Variants in EPB41 observed in about 807,000 individuals in gnomAD.
The protein encoded by EPB41 is protein 4.1.
A neutral mutation model predicts 108.0 loss-of-function variants in EPB41; 65 were observed. That is an observed-to-expected ratio of 0.60 (90% CI 0.49 to 0.74). The LOEUF is 0.74. Ranked by LOEUF, EPB41 falls within the 30% of genes least tolerant of loss-of-function variation. The probability of loss-of-function intolerance (pLI) is 0.00; values close to 1 mark genes in which losing one functional copy is unlikely to be tolerated. For synonymous variants in EPB41, 336 were observed against 358.9 expected (o/e 0.94, Z 0.72); for missense variants, 875 against 1,037.0 (o/e 0.84, Z 2.15).
At chr1:28,960,551 ACCT>A (rs2095161788) in intron 1 of EPB41, among the ~76,000 whole-genome samples, 1 of 125,586 alleles carries the variant, frequency 8.0e-6, no homozygotes, top group Non-Finnish European at 1.6e-5. Flanking sequence ...ATGTAGTGAG[ACCT>A]CGTCTCTACA....
At chr1:28,971,336 A>G (rs964487500) in intron 1 of EPB41, among the ~76,000 whole-genome samples, 1 of 151,420 alleles carries the variant, frequency 6.6e-6, no homozygotes, top group Non-Finnish European at 1.5e-5. Flanking sequence ...AGCGCCTGCC[A>G]CCATGCCTGG....
chr1:28,953,331 T>C (rs1044433233), intron 1 of EPB41, among the ~76,000 whole-genome samples: 1 of 152,002 alleles, frequency 6.6e-6, no homozygotes, highest in Non-Finnish European at 1.5e-5. Context: ...TTCCTGTAAA[T>C]TATTTGAATT....
chr1:29,078,804 G>C (rs1655172882), intron 16 of EPB41, among the ~76,000 whole-genome samples: 1 of 152,042 alleles, frequency 6.6e-6, no homozygotes, highest in Non-Finnish European at 1.5e-5. Flanking sequence ...GTTTCTGCCA[G>C]TTTTCCAAAT....
intron 3 of EPB41, among the ~76,000 whole-genome samples, chr1:28,994,631 T>TA (rs2096117704): frequency 7.0e-6 from 1 of 142,932 alleles, no homozygotes; most frequent in African/African-American, 2.6e-5. Flanking sequence ...TGGAACAAAC[T>TA]ATTTTATTTA....
intron 1 of EPB41, among the ~76,000 whole-genome samples, chr1:28,941,974 T>C (rs945357193): frequency 3.3e-5 from 5 of 149,904 alleles, no homozygotes; most frequent in African/African-American, 1.2e-4. Context: ...TTGTAGAAAA[T>C]TTGAACGATA....
At chr1:29,102,882 CATGCCTCAGCCTCCCAGGTGGCTGGGAT>C (rs1259450967) in intron 17 of EPB41, among the ~76,000 whole-genome samples, 5 of 152,210 alleles carry the variant, frequency 3.3e-5, no homozygotes, top group African/African-American at 1.2e-4. Context: ...CAGCGATTCT[CATGCCTCAGCCTCCCAGGTGGCTGGGAT>C]TACAGGCACC....
chr1:29,047,350 A>G (rs1000264025), intron 11 of EPB41, among the ~76,000 whole-genome samples: 5 of 147,806 alleles, frequency 3.4e-5, no homozygotes, highest in Admixed American at 2.8e-4. Flanking sequence ...CCCAGGCCCA[A>G]ATGATCCTCC....
chr1:28,892,811 T>TC (rs1274635175), intron 1 of EPB41, among the ~76,000 whole-genome samples: 2 of 146,304 alleles, frequency 1.4e-5, no homozygotes, highest in African/African-American at 5.1e-5. Flanking sequence ...TTTTTTTTTT[T>TC]TTTTTTTTTT....
chr1:29,000,629 T>TA (rs2096276367), intron 4 of EPB41, among the ~76,000 whole-genome samples: 2 of 152,212 alleles, frequency 1.3e-5, no homozygotes, highest in African/African-American at 4.8e-5. Flanking sequence ...TAAGAGCCCC[T>TA]ACTGGGGAAG....
At chr1:28,937,538 G>A (rs1188514491) in intron 1 of EPB41, among the ~76,000 whole-genome samples, 3 of 152,178 alleles carry the variant, frequency 2.0e-5, no homozygotes, top group Admixed American at 6.5e-5. Flanking sequence ...GGGATGACAG[G>A]CATGGGCCAC....
chr1:29,098,837 T>A (rs1161044036), intron 17 of EPB41, among the ~76,000 whole-genome samples: 2 of 151,536 alleles, frequency 1.3e-5, no homozygotes, highest in Non-Finnish European at 2.9e-5. Flanking sequence ...ACCTCTGCCT[T>A]CTGGGTTCAA....
rs1644810598 is a variant in EPB41 at position 29,053,141 on chromosome 1, C to T, written c.1674C>T (p.Pro558=). The T allele has an allele frequency of 6.2e-7, 1 of 1,614,190 alleles. No individual in the cohort carries two copies. The highest frequency in any genetic ancestry group is 2.2e-5 in the East Asian group (1 of 44,886). The part of the protein sequence containing the change: ...AVDSADRSPR[P]TSAPAITQGQ... ...ATTCGGCAGACCGAAGTCCTCGGCC[C>T]ACTTCTGCACCTGCCATTACTCAGG... Residue 558 remains proline, a synonymous_variant, in exon 12 of 21, where the codon CCC becomes CCT. Coordinates refer to ENST00000343067, the MANE Select transcript of EPB41 (RefSeq NM_001376013.1).
intron 11 of EPB41, among the ~76,000 whole-genome samples, chr1:29,043,783 T>C (rs1376991102): frequency 6.6e-6 from 1 of 152,168 alleles, no homozygotes; most frequent in Admixed American, 6.5e-5. Flanking sequence ...AATAGTCCAT[T>C]GAAGTGTCAG....
chr1:29,015,064 G>A (rs988153861), intron 5 of EPB41, among the ~76,000 whole-genome samples: 4 of 152,104 alleles, frequency 2.6e-5, no homozygotes, highest in African/African-American at 9.7e-5. Context: ...ATTAAGTGAG[G>A]CATGGCAGGC....
chr1:29,058,522 AAAC>A, intron 12 of EPB41, 64 bp from the exon 13 acceptor site: 1 of 1,405,602 alleles, frequency 7.1e-7, no homozygotes, highest in East Asian at 2.4e-5. Context: ...GCTTATTTGG[AAAC>A]AACACTATTC....
At chr1:29,030,361 A>G (rs765109809) in intron 7 of EPB41, 39 bp from the exon 8 acceptor site, 8 of 1,496,924 alleles carry the variant, frequency 5.3e-6, no homozygotes, top group East Asian at 2.3e-5. Flanking sequence ...TGATGACACT[A>G]TAACACTGAA....
chr1:29,026,953 A>G (rs2096726569), intron 7 of EPB41, among the ~76,000 whole-genome samples: 1 of 152,010 alleles, frequency 6.6e-6, no homozygotes, highest in Non-Finnish European at 1.5e-5. Context: ...TTAGCCAGGC[A>G]TGGTGGCGGG....
At chr1:28,948,182 C>T (rs2094554942) in intron 1 of EPB41, among the ~76,000 whole-genome samples, 2 of 152,142 alleles carry the variant, frequency 1.3e-5, no homozygotes, top group Non-Finnish European at 2.9e-5. Context: ...TAGGATGGTA[C>T]TGAATTTACT....
intron 12 of EPB41, among the ~76,000 whole-genome samples, chr1:29,057,837 T>C (rs1023999911): frequency 1.3e-5 from 2 of 152,218 alleles, no homozygotes. Context: ...GCTATTAATA[T>C]CAAGGATGAA....
Sources: allele counts gnomAD v4.1 joint callset (sites outside exome capture counted in the v4.1 genomes callset), GRCh38; gene constraint gnomAD v4.1.1; transcripts MANE v1.5; gene names NCBI Gene and HGNC (gene_info 2026-07-23, HGNC 2026-07-21).